The following TRAF7 variants were observed in gnomAD, a reference collection of about 807,000 sequenced individuals.
The protein encoded by TRAF7 is E3 ubiquitin-protein ligase TRAF7.
A neutral mutation model predicts 89.3 loss-of-function variants in TRAF7; 45 were observed. That is an observed-to-expected ratio of 0.50 (90% confidence interval 0.40 to 0.65). TRAF7 has a LOEUF of 0.65. Among genes scored for constraint, TRAF7 ranks in the 30% least tolerant of loss-of-function variants. The pLI is 0.00. For missense variants in TRAF7, 677 were observed against 918.1 expected (o/e 0.74, Z 3.39); for synonymous variants, 406 against 369.2 (o/e 1.10, Z -1.14).
intron 3 of TRAF7, among the ~76,000 whole-genome samples, chr16:2,166,958 C>T (rs1443979586): frequency 1.3e-5 from 2 of 152,078 alleles, no homozygotes; most frequent in African/African-American, 2.4e-5. Flanking sequence ...TGTAGAAGCA[C>T]ACTGGCTGCT....
In TRAF7 at chr16:2,173,284, C is replaced by G. The variant is rs369566946; in HGVS notation, c.897C>G (p.His299Gln). The stretch of plus-strand genomic sequence containing the variant: ...TGCAGCAGACGGATGACCGCTTCCA[C>G]GAGATGCACGTGGCTCTGGCCCAGA... ...EFLQQTDDRF[H>Q]EMHVALAQKD... Residue 299 changes from histidine to glutamine, a missense_variant, in exon 10 of 21, where the codon CAC (histidine) becomes CAG (glutamine). This residue lies in a region of TRAF7 where 238 missense variants were observed against 352.6 expected (regional missense o/e 0.67). Coordinates refer to ENST00000326181, the MANE Select transcript of TRAF7 (RefSeq NM_032271.3). 2 of 1,613,600 alleles carry G rather than the reference C, an allele frequency of 1.2e-6. No homozygotes were observed. The highest frequency in any genetic ancestry group is 1.7e-6 in the Non-Finnish European group (2 of 1,179,996).
chr16:2,164,185 C>T (rs560448067), intron 2 of TRAF7, among the ~76,000 whole-genome samples, 184 bp downstream of exon 2: 1,392 of 136,466 alleles, frequency 0.01, 28 homozygotes, highest in African/African-American at 0.035. Context: ...CGCGCGCACG[C>T]GTGCGTGTGT....
intron 7 of TRAF7, among the ~76,000 whole-genome samples, chr16:2,171,896 C>T (rs987246843): frequency 1.3e-5 from 2 of 152,224 alleles, no homozygotes; most frequent in African/African-American, 2.4e-5. Context: ...GCCTTTCTCA[C>T]TGGCGAGGCT....
At position 2,163,906 on chromosome 16, in the gene TRAF7, A is replaced by G; in HGVS notation, c.-15A>G. On this transcript the variant is annotated 5_prime_UTR_variant, in exon 2 of 21. An upstream start codon of the reference 5' UTR is lost. Coordinates refer to ENST00000326181, the MANE Select transcript of TRAF7 (RefSeq NM_032271.3). The surrounding 1 kb of genome is among the most constrained non-coding windows in gnomAD (Gnocchi z 4.3). The stretch of plus-strand genomic sequence containing the variant: ...AGGAGGTGCTTCCCAAGGACCGTAG[A>G]TGCCTCTCTAGAGCATGAGCTCAGG... 6.2e-7 allele frequency: 1 copy of G among 1,610,988 alleles called. No individual in the cohort carries two copies. Among genetic ancestry groups the G allele is most frequent in the Non-Finnish European group, 8.5e-7 (1 of 1,178,952 alleles).
In TRAF7 at chr16:2,158,310, A is replaced by G. The variant is rs2141262657; in HGVS notation, c.-39+2452A>G. ...CTTTGACAGATCCGCTGCTGTCCCCAGCCTTGCTCCCTGGAGGAGGAGGGT... is the reference window on the plus strand; with the variant it reads ...CTTTGACAGATCCGCTGCTGTCCCCGGCCTTGCTCCCTGGAGGAGGAGGGT... On this transcript the variant is annotated intron_variant, in intron 1 of 20. Coordinates refer to ENST00000326181, the MANE Select transcript of TRAF7 (RefSeq NM_032271.3). This position sits in a 1 kb window ranked among gnomAD's most constrained non-coding sequence, Gnocchi z 4.7. Among the ~76,000 whole-genome samples the G allele has an allele frequency of 6.6e-6, 1 of 152,328 alleles. No homozygotes were observed. The highest frequency in any genetic ancestry group is 2.1e-4 in the South Asian group (1 of 4,830).
Position 2,176,964 on chromosome 16 carries a change from G to C in TRAF7, c.*390G>C. On this transcript the variant is annotated 3_prime_UTR_variant, in exon 21 of 21. Coordinates refer to ENST00000326181, the MANE Select transcript of TRAF7 (RefSeq NM_032271.3). ...GCTGTGAGTGGGGACAGCTCCTCGG[G>C]ACAAGGGGGCTGTGTGTGGCCTTGA... The C allele has an allele frequency of 2.4e-6, 1 of 424,878 alleles. No homozygotes were observed. The highest frequency in any genetic ancestry group is 4.4e-6 in the Non-Finnish European group (1 of 226,942). The allele number at this position is 424,878 out of a possible 1,614,324, so 26.3% of individuals were successfully genotyped here.
At chr16:2,164,451 G>A (rs35813) in intron 2 of TRAF7, among the ~76,000 whole-genome samples, 402 of 139,686 alleles carry the variant, frequency 2.9e-3, no homozygotes, top group Admixed American at 4.7e-3. Flanking sequence ...ATGGTTAAGC[G>A]TGTTAGTGCT....
chr16:2,174,115 G>A, intron 13 of TRAF7, 67 bp downstream of exon 13: 2 of 1,604,926 alleles, frequency 1.2e-6, no homozygotes, highest in Non-Finnish European at 1.7e-6. Flanking sequence ...GCCTGGCACT[G>A]CCAGCCTGCC....
chr16:2,169,471 G>C (rs146188754), intron 4 of TRAF7, among the ~76,000 whole-genome samples: 3 of 152,136 alleles, frequency 2.0e-5, no homozygotes, highest in Non-Finnish European at 4.4e-5. Flanking sequence ...CATGGGTCAC[G>C]GTGGCTTTCA....
In TRAF7 at chr16:2,172,214, A is replaced by C. The variant is rs1353034037; in HGVS notation, c.499A>C (p.Lys167Gln). Residue 167 changes from lysine to glutamine, a missense_variant, in exon 8 of 21, where the codon AAA (lysine) becomes CAA (glutamine). Physicochemically the swap from Lys to Gln is moderately conservative, Grantham distance 53. Coordinates refer to ENST00000326181, the MANE Select transcript of TRAF7 (RefSeq NM_032271.3). ...AGAGAAGTGTCCCGTGGACAACGTC[A>C]AACTGACCGTGGTGGTGAACAACAT... ...KSEKCPVDNV[K>Q]LTVVVNNIAV... 13 of 1,612,930 alleles carry C rather than the reference A, an allele frequency of 8.1e-6. No homozygotes were observed. Among genetic ancestry groups the C allele is most frequent in the Non-Finnish European group, 1.1e-5 (13 of 1,179,974 alleles).
At chr16:2,175,223 G>A (rs756270063) in intron 15 of TRAF7, 73 bp downstream of exon 15, 9 of 1,612,628 alleles carry the variant, frequency 5.6e-6, no homozygotes, top group Admixed American at 1.7e-5. Flanking sequence ...CCCCAGGGAC[G>A]TGTTTCTCCC....
intron 14 of TRAF7, among the ~76,000 whole-genome samples, chr16:2,174,753 G>A (rs919791426): frequency 1.3e-5 from 2 of 152,168 alleles, no homozygotes; most frequent in South Asian, 2.1e-4. Context: ...GTCTCCTATC[G>A]TGAGGCTTTG....
Position 2,161,825 on chromosome 16 carries a change from C to A in TRAF7, c.-38-2058C>A, listed in dbSNP as rs190791506. On this transcript the variant is annotated intron_variant, in intron 1 of 20. Coordinates refer to ENST00000326181, the MANE Select transcript of TRAF7 (RefSeq NM_032271.3). The surrounding 1 kb of genome is among the most constrained non-coding windows in gnomAD (Gnocchi z 5.2). Reference sequence around the variant, plus strand: ...CTCTCCCCGACCTTCCTGCCGGGAGCTGCTGGAGACGGGATAGACATGTGC... The same window carrying A: ...CTCTCCCCGACCTTCCTGCCGGGAGATGCTGGAGACGGGATAGACATGTGC... 3.6e-4 allele frequency among the ~76,000 whole-genome samples: 55 copies of A among 152,330 alleles called. No individual in the cohort carries two copies. Among genetic ancestry groups the A allele is most frequent in the Non-Finnish European group, 5.9e-4 (40 of 68,026 alleles).
intron 13 of TRAF7, 99 bp from the exon 14 acceptor site, chr16:2,174,152 C>T: frequency 6.3e-7 from 1 of 1,596,424 alleles, no homozygotes; most frequent in Non-Finnish European, 8.5e-7. Flanking sequence ...TGGGCAGGGC[C>T]CTCTCCCATG....
Position 2,176,845 on chromosome 16 carries a change from G to A in TRAF7, c.*271G>A. ...CCACCCTCCATCCCCACCCTAGATG[G>A]AGCGAGGGCCTTTTTACTCACCTTT... On this transcript the variant is annotated 3_prime_UTR_variant, in exon 21 of 21. Transcript: ENST00000326181. The A allele has an allele frequency of 1.7e-6, 1 of 592,556 alleles. No homozygotes were observed. Among genetic ancestry groups the A allele is most frequent in the African/African-American group, 1.9e-5 (1 of 53,788 alleles). The allele number at this position is 592,556 out of a possible 1,614,324, so 36.7% of individuals were successfully genotyped here.
At chr16:2,173,591 C>A (rs765017268) in intron 11 of TRAF7, 37 bp downstream of exon 11, 1 of 1,606,180 alleles carries the variant, frequency 6.2e-7, no homozygotes, top group African/African-American at 1.3e-5. Context: ...GGTTGTGAGA[C>A]CCGGGGAGGC....
At chr16:2,155,963 GGGT>G (rs1307456653) in intron 1 of TRAF7, 105 bp downstream of exon 1, 3 of 147,994 alleles carry the variant, frequency 2.0e-5, no homozygotes, top group Non-Finnish European at 4.5e-5. Flanking sequence ...GCGAGGCGAG[GGGT>G]CGGGCCGGGG....
In TRAF7 at chr16:2,168,207, C is replaced by G; in HGVS notation, c.231+39C>G. ...CCCAGGAGCCCGTGTGAGCCTCAGC[C>G]TCCCCCCATCCTCCCTCCTGGGGGA... On this transcript the variant is annotated intron_variant, in intron 4 of 20. Transcript: ENST00000326181. The surrounding 1 kb of genome is among the most constrained non-coding windows in gnomAD (Gnocchi z 4.1). 6 of 1,547,276 alleles carry G rather than the reference C, an allele frequency of 3.9e-6. No homozygotes were observed. Among genetic ancestry groups the G allele is most frequent in the Non-Finnish European group, 5.3e-6 (6 of 1,138,426 alleles).
At chr16:2,164,181 C>CACGCGT (rs2093071154) in intron 2 of TRAF7, among the ~76,000 whole-genome samples, 180 bp downstream of exon 2, 1 of 122,738 alleles carries the variant, frequency 8.1e-6, no homozygotes, top group Non-Finnish European at 1.7e-5. Flanking sequence ...CGCGCGCGCG[C>CACGCGT]ACGCGTGCGT....
Sources: allele counts gnomAD v4.1 joint callset (sites outside exome capture counted in the v4.1 genomes callset), GRCh38; gene constraint gnomAD v4.1.1; regional missense constraint gnomAD v4.1.1; non-coding constraint Gnocchi (gnomAD v3.1); transcripts MANE v1.5; gene names NCBI Gene and HGNC (gene_info 2026-07-23, HGNC 2026-07-21).